The following TTLL1 variants were observed in gnomAD, a reference collection of about 807,000 sequenced individuals.
The protein encoded by TTLL1 is polyglutamylase complex subunit TTLL1.
A neutral mutation model predicts 47.8 loss-of-function variants in TTLL1; 33 were observed. The ratio of observed to expected loss-of-function variants is 0.69; its 90% CI spans 0.52 to 0.92. The LOEUF is 0.92. Ranked by LOEUF, TTLL1 falls within the 40% of genes least tolerant of loss-of-function variation. TTLL1 has a pLI of 0.00. For synonymous variants in TTLL1, 225 were observed against 214.1 expected, an observed-to-expected ratio of 1.05 and a Z score of -0.45; for missense variants, 488 against 547.5, an observed-to-expected ratio of 0.89 and a Z score of 1.08.
intron 1 of TTLL1, among the ~76,000 whole-genome samples, chr22:43,084,716 T>C (rs994441957): frequency 6.6e-6 from 1 of 151,962 alleles, no homozygotes; most frequent in Middle Eastern, 3.4e-3. Context: ...TTAGCCAGGA[T>C]GGTCTCGATC....
At chr22:43,089,148 T>G (rs1929446000) in intron 1 of TTLL1, 129 bp downstream of exon 1, 1 of 152,202 alleles carries the variant, frequency 6.6e-6, no homozygotes, top group African/African-American at 2.4e-5. Flanking sequence ...GCAAGCAGCA[T>G]CTGAACCGCA....
rs36120119 is a variant in TTLL1, at chr22:43,039,569, TAAAA to T, written c.*203_*206del. The T allele has an allele frequency of 7.2e-6, 3 of 416,806 alleles. No homozygotes were observed. Among genetic ancestry groups the T allele is most frequent in the Non-Finnish European group, 1.1e-5 (3 of 272,604 alleles). 25.8% of individuals were successfully genotyped at this position (416,806 alleles called of 1,614,324 possible). On this transcript the variant is annotated 3_prime_UTR_variant, in exon 11 of 11. Coordinates refer to ENST00000266254, the MANE Select transcript of TTLL1 (RefSeq NM_012263.5). ...TGAAAATTCTGCTTAGGTTAAAAATTAAAAAAAAAAGAGCGAGTTTTATACATCC... is the reference window on the plus strand; with the variant it reads ...TGAAAATTCTGCTTAGGTTAAAAATTAAAAAAGAGCGAGTTTTATACATCC...
At chr22:43,076,917 C>G (rs928066138) in intron 2 of TTLL1, among the ~76,000 whole-genome samples, 1 of 151,714 alleles carries the variant, frequency 6.6e-6, no homozygotes, top group Non-Finnish European at 1.5e-5. Flanking sequence ...CTGGCTAACA[C>G]AGTAAAACCC....
intron 1 of TTLL1, among the ~76,000 whole-genome samples, chr22:43,082,486 T>A (rs915404516): frequency 6.6e-6 from 1 of 151,872 alleles, no homozygotes; most frequent in South Asian, 2.1e-4. Context: ...AAGGCTGAGG[T>A]GGGTGGATCA....
At chr22:43,061,080 C>T (rs916117692) in intron 7 of TTLL1, among the ~76,000 whole-genome samples, 15 of 152,074 alleles carry the variant, frequency 9.9e-5, no homozygotes, top group South Asian at 8.3e-4. Context: ...ACCCCAGTTA[C>T]TCGGGGGGCT....
chr22:43,044,670 G>A (rs923110906), intron 10 of TTLL1, among the ~76,000 whole-genome samples: 1 of 152,110 alleles, frequency 6.6e-6, no homozygotes, highest in Non-Finnish European at 1.5e-5. Flanking sequence ...CAGTATCGAT[G>A]CCAACAACAT....
chr22:43,040,699 C>G (rs1344204458), intron 10 of TTLL1, among the ~76,000 whole-genome samples: 1 of 152,216 alleles, frequency 6.6e-6, no homozygotes, highest in African/African-American at 2.4e-5. Flanking sequence ...GCCCATTCGG[C>G]CTCCCAAAGT....
intron 1 of TTLL1, among the ~76,000 whole-genome samples, chr22:43,087,085 G>C (rs1026381177): frequency 3.3e-5 from 5 of 152,134 alleles, no homozygotes; most frequent in African/African-American, 1.2e-4. Context: ...TCGTCCTCCA[G>C]ATCTGTCCCT....
intron 1 of TTLL1, among the ~76,000 whole-genome samples, chr22:43,083,925 C>G (rs1019919946): frequency 2.6e-5 from 4 of 152,270 alleles, no homozygotes; most frequent in Non-Finnish European, 5.9e-5. Context: ...AACAGATCAG[C>G]TGAGCCAACT....
chr22:43,057,951 TA>T (rs57289362), intron 8 of TTLL1, among the ~76,000 whole-genome samples: 27,431 of 136,118 alleles, frequency 0.2, 2,989 homozygotes, highest in East Asian at 0.51. Flanking sequence ...TATATATATA[TA>T]TTTTTTTTTT....
At chr22:43,055,006 G>T (rs1926905178) in intron 8 of TTLL1, among the ~76,000 whole-genome samples, 1 of 149,122 alleles carries the variant, frequency 6.7e-6, no homozygotes, top group Non-Finnish European at 1.5e-5. Flanking sequence ...TTACAGGTGT[G>T]AGCCACCGCA....
In TTLL1 at chr22:43,060,176, A is replaced by G. The variant is rs9623745; in HGVS notation, c.748-649T>C. On this transcript the variant is annotated intron_variant, in intron 7 of 10. Transcript: ENST00000266254. ...CTCCCTAATACTCTCAGGCTTAATC[A>G]TTTATGCCTCACAGCACAGGCTGTG... 3.2e-3 allele frequency among the ~76,000 whole-genome samples: 492 copies of G among 152,228 alleles called. 4 individuals carry two copies. The highest frequency in any genetic ancestry group is 0.011 in the African/African-American group (473 of 41,562).
chr22:43,069,271 A>G (rs558808927), intron 4 of TTLL1, among the ~76,000 whole-genome samples: 1 of 151,484 alleles, frequency 6.6e-6, no homozygotes, highest in South Asian at 2.1e-4. Context: ...GGGCACCAGT[A>G]GTCCCAGCTA....
chr22:43,073,833 A>AT (rs1413866491), intron 3 of TTLL1, among the ~76,000 whole-genome samples: 4 of 148,982 alleles, frequency 2.7e-5, no homozygotes, highest in South Asian at 4.2e-4. Context: ...TTATTTATTT[A>AT]TTTTTTTTGA....
At chr22:43,053,339 ACT>A (rs1424227307) in intron 8 of TTLL1, among the ~76,000 whole-genome samples, 1 of 152,186 alleles carries the variant, frequency 6.6e-6, no homozygotes, top group African/African-American at 2.4e-5. Context: ...CTCCTCACTC[ACT>A]GAGAGAAAGG....
intron 10 of TTLL1, among the ~76,000 whole-genome samples, chr22:43,043,181 G>A (rs897109149): frequency 1.3e-5 from 2 of 151,720 alleles, no homozygotes; most frequent in African/African-American, 4.8e-5. Context: ...CCTCAGGTGA[G>A]CCACCTGCCT....
At chr22:43,062,813 C>A (rs1051266897) in intron 7 of TTLL1, among the ~76,000 whole-genome samples, 1 of 152,044 alleles carries the variant, frequency 6.6e-6, no homozygotes, top group Non-Finnish European at 1.5e-5. Flanking sequence ...GGCAACAGAG[C>A]GAGACTCCGC....
At chr22:43,088,994 A>G (rs1019354947) in intron 1 of TTLL1, among the ~76,000 whole-genome samples, 2 of 152,338 alleles carry the variant, frequency 1.3e-5, no homozygotes, top group South Asian at 4.1e-4. Flanking sequence ...GGAAACGTGT[A>G]GGAACAATGA....
chr22:43,046,635 G>A (rs1926160170), intron 9 of TTLL1, 62 bp from the exon 10 acceptor site: 2 of 1,580,510 alleles, frequency 1.3e-6, no homozygotes, highest in Non-Finnish European at 1.7e-6. Context: ...ATGAAAATGT[G>A]CACTGCAGAA....
Sources: gnomAD v4.1 joint callset for allele counts (sites outside exome capture counted in the v4.1 genomes callset) on GRCh38, gnomAD v4.1.1 for gene constraint, MANE v1.5 for transcripts, NCBI Gene and HGNC (gene_info 2026-07-23, HGNC 2026-07-21) for gene names.